Variants in PCCA observed in about 807,000 individuals in gnomAD.
PCCA encodes the protein propionyl-CoA carboxylase subunit alpha.
Under a neutral mutation model 101.3 loss-of-function variants are expected in PCCA, and 74 were observed. The observed-to-expected ratio is 0.73, with a 90% CI of 0.61 to 0.89. The LOEUF is 0.89. PCCA is among the 40% of genes least tolerant of loss of function. The probability of loss-of-function intolerance (pLI) is 0.00; values close to 1 mark genes in which losing one functional copy is unlikely to be tolerated. For missense variants in PCCA, 891 were observed against 907.0 expected (o/e 0.98, Z 0.23); for synonymous variants, 294 against 313.6 (o/e 0.94, Z 0.66).
chr13:100,285,313 A>G (rs1361823571), intron 12 of PCCA, among the ~76,000 whole-genome samples: 3 of 152,190 alleles, frequency 2.0e-5, no homozygotes, highest in Admixed American at 2.0e-4. Context: ...AGCAGGCCCT[A>G]GTACAAGCTC....
At chr13:100,340,481 T>A (rs1404510604) in intron 18 of PCCA, among the ~76,000 whole-genome samples, 1 of 152,218 alleles carries the variant, frequency 6.6e-6, no homozygotes. Context: ...CTTGGCCCTT[T>A]TAATTTGGAC....
At chr13:100,476,550 C>T (rs1407085174) in intron 21 of PCCA, among the ~76,000 whole-genome samples, 1 of 152,330 alleles carries the variant, frequency 6.6e-6, no homozygotes, top group Non-Finnish European at 1.5e-5. Context: ...GTCCACCCCC[C>T]ACCCTTAGTT....
At chr13:100,266,352 T>TAAA (rs1392696155) in intron 10 of PCCA, among the ~76,000 whole-genome samples, 3 of 152,240 alleles carry the variant, frequency 2.0e-5, no homozygotes, top group Non-Finnish European at 2.9e-5. Flanking sequence ...TTATTTTATT[T>TAAA]AGCCATGGCA....
intron 21 of PCCA, among the ~76,000 whole-genome samples, chr13:100,456,079 T>C (rs956965483): frequency 6.6e-6 from 1 of 152,222 alleles, no homozygotes; most frequent in Non-Finnish European, 1.5e-5. Flanking sequence ...TTCACTTGGA[T>C]CTTCTTAATT....
chr13:100,174,061 A>T (rs914941531), intron 6 of PCCA, among the ~76,000 whole-genome samples: 2 of 152,092 alleles, frequency 1.3e-5, no homozygotes, highest in South Asian at 4.1e-4. Flanking sequence ...ATACATAATG[A>T]TTCCCTTGTT....
intron 6 of PCCA, among the ~76,000 whole-genome samples, chr13:100,197,312 GTCC>G (rs2058172311): frequency 1.3e-5 from 2 of 151,946 alleles, no homozygotes. Context: ...GGCTCAAGCA[GTCC>G]TCCTGCCCTG....
intron 19 of PCCA, among the ~76,000 whole-genome samples, chr13:100,391,471 C>A (rs1368892064): frequency 6.6e-6 from 1 of 152,080 alleles, no homozygotes; most frequent in Non-Finnish European, 1.5e-5. Flanking sequence ...AACAGAAGGG[C>A]TAGGCTAACC....
At chr13:100,499,671 C>A (rs2085528091) in intron 21 of PCCA, among the ~76,000 whole-genome samples, 2 of 152,258 alleles carry the variant, frequency 1.3e-5, no homozygotes, top group African/African-American at 4.8e-5. Flanking sequence ...ATCCGTACCT[C>A]TGTTGCAGAA....
chr13:100,355,582 A>T (rs2073881351), intron 18 of PCCA, among the ~76,000 whole-genome samples: 2 of 152,196 alleles, frequency 1.3e-5, no homozygotes, highest in African/African-American at 2.4e-5. Flanking sequence ...AAAAATATAC[A>T]ATACTTAAAT....
chr13:100,422,140 T>C (rs1174045660), intron 19 of PCCA, among the ~76,000 whole-genome samples: 10 of 132,486 alleles, frequency 7.5e-5, no homozygotes, highest in South Asian at 4.6e-4. Context: ...TCTTTCTTTT[T>C]TTTTTTTTTT....
intron 19 of PCCA, among the ~76,000 whole-genome samples, chr13:100,416,831 A>G (rs2078402598): frequency 1.4e-5 from 2 of 140,298 alleles, no homozygotes; most frequent in African/African-American, 5.4e-5. Flanking sequence ...GACCAGTATT[A>G]TGTATATTCT....
chr13:100,470,325 G>A (rs1173264195), intron 21 of PCCA, among the ~76,000 whole-genome samples: 3 of 152,282 alleles, frequency 2.0e-5, no homozygotes, highest in African/African-American at 7.2e-5. Flanking sequence ...TCAAAAACTG[G>A]AAAGGAAGGG....
chr13:100,422,378 T>A (rs1416949959), intron 19 of PCCA, among the ~76,000 whole-genome samples: 1 of 151,918 alleles, frequency 6.6e-6, no homozygotes, highest in Non-Finnish European at 1.5e-5. Context: ...CTTCAAGCAG[T>A]CCTCCTGCCT....
chr13:100,393,455 G>A (rs554631072), intron 19 of PCCA, among the ~76,000 whole-genome samples: 128 of 127,726 alleles, frequency 1.0e-3, no homozygotes, highest in African/African-American at 3.8e-3. Context: ...GTCACGCTCT[G>A]TCACCCAGGC....
At chr13:100,314,849 C>A (rs1790818329) in intron 16 of PCCA, among the ~76,000 whole-genome samples, 1 of 152,092 alleles carries the variant, frequency 6.6e-6, no homozygotes, top group Non-Finnish European at 1.5e-5. Flanking sequence ...AGATCCTGGA[C>A]CAGAAGAAAA....
chr13:100,425,772 C>T (rs2079100562), intron 20 of PCCA, 41 bp downstream of exon 20: 1 of 1,305,682 alleles, frequency 7.7e-7, no homozygotes, highest in Non-Finnish European at 1.1e-6. Flanking sequence ...CTCCTCAAGT[C>T]CAGAATCCTT....
rs555256482 is a variant in PCCA at position 100,281,082 on chromosome 13, A to C, written c.1065+7736A>C. On this transcript the variant is annotated intron_variant, in intron 12 of 23. Transcript: ENST00000376285. The stretch of plus-strand genomic sequence containing the variant: ...TATGATACCTCAGTGCTTATGTTCA[A>C]GTCACCTCTACTTTATTTCATAATG... Among the ~76,000 whole-genome samples the C allele has an allele frequency of 9.2e-5, 14 of 152,342 alleles. No individual in the cohort carries two copies. In the East Asian group the frequency reaches 2.3e-3, roughly 25 times the overall value.
At chr13:100,373,444 T>C (rs2075701646) in intron 19 of PCCA, among the ~76,000 whole-genome samples, 1 of 152,182 alleles carries the variant, frequency 6.6e-6, no homozygotes, top group Non-Finnish European at 1.5e-5. Flanking sequence ...TGATATGTGC[T>C]ATATAACACA....
At chr13:100,440,368 A>G (rs2080281813) in intron 20 of PCCA, among the ~76,000 whole-genome samples, 2 of 151,288 alleles carry the variant, frequency 1.3e-5, no homozygotes, top group Admixed American at 6.6e-5. Context: ...AATCAATTTT[A>G]AAATTGTAAC....
Sources: allele counts gnomAD v4.1 joint callset (sites outside exome capture counted in the v4.1 genomes callset), GRCh38; gene constraint gnomAD v4.1.1; transcripts MANE v1.5; gene names NCBI Gene and HGNC (gene_info 2026-07-23, HGNC 2026-07-21).